Variants in GPR158 observed in about 807,000 individuals in gnomAD.
GPR158 encodes G protein-coupled receptor 158.
Under a neutral mutation model 78.2 loss-of-function variants are expected in GPR158, and 30 were observed. That is an observed-to-expected ratio of 0.38 (90% CI 0.29 to 0.52). The LOEUF (loss-of-function observed/expected upper bound fraction) is 0.52, where lower values mean the gene tolerates loss of function less well. GPR158 is among the 20% of genes least tolerant of loss of function. GPR158 has a pLI of 0.83. For missense variants in GPR158, 1,463 were observed against 1,523.5 expected (o/e 0.96, Z 0.66); for synonymous variants, 581 against 591.1 (o/e 0.98, Z 0.25).
intron 2 of GPR158, among the ~76,000 whole-genome samples, chr10:25,253,824 T>A (rs1853850559): frequency 6.6e-6 from 1 of 152,176 alleles, no homozygotes; most frequent in South Asian, 2.1e-4. Flanking sequence ...ATTATAAAAT[T>A]TGCCTTGGGA....
At chr10:25,589,824 A>G (rs375162015) in intron 8 of GPR158, among the ~76,000 whole-genome samples, 51 of 152,348 alleles carry the variant, frequency 3.3e-4, no homozygotes, top group African/African-American at 1.2e-3. Context: ...CTGAAAATGT[A>G]TCCCTGATTC....
chr10:25,295,648 C>T (rs1000118451), intron 2 of GPR158, among the ~76,000 whole-genome samples: 5 of 152,030 alleles, frequency 3.3e-5, no homozygotes, highest in African/African-American at 4.8e-5. Context: ...CTTCTGACCT[C>T]GTGATCCACC....
At chr10:25,302,384 A>G (rs1854612412) in intron 2 of GPR158, among the ~76,000 whole-genome samples, 1 of 151,790 alleles carries the variant, frequency 6.6e-6, no homozygotes, top group Admixed American at 6.6e-5. Context: ...GCGCCCGGCC[A>G]TTTGTTCCTT....
intron 2 of GPR158, among the ~76,000 whole-genome samples, chr10:25,322,389 A>G (rs986407544): frequency 3.9e-5 from 6 of 152,150 alleles, no homozygotes; most frequent in South Asian, 2.1e-4. Flanking sequence ...TCAAAAAAAA[A>G]AAGAAAAAAA....
At chr10:25,415,393 A>G (rs931878881) in intron 4 of GPR158, among the ~76,000 whole-genome samples, 1 of 152,098 alleles carries the variant, frequency 6.6e-6, no homozygotes, top group African/African-American at 2.4e-5. Flanking sequence ...AAATATATAT[A>G]TATAAGCCAA....
At chr10:25,532,899 G>T (rs1035823307) in intron 5 of GPR158, among the ~76,000 whole-genome samples, 2 of 152,118 alleles carry the variant, frequency 1.3e-5, no homozygotes, top group Admixed American at 1.3e-4. Flanking sequence ...AGAAGCATAT[G>T]CTATTACTGT....
chr10:25,237,680 C>T (rs957863139), intron 2 of GPR158, among the ~76,000 whole-genome samples: 1 of 152,124 alleles, frequency 6.6e-6, no homozygotes, highest in African/African-American at 2.4e-5. Context: ...AATGAACAGG[C>T]ACATGATACC....
In GPR158 at chr10:25,484,229, C is replaced by G. The variant is rs375008155; in HGVS notation, c.1404+17510C>G. Among the ~76,000 whole-genome samples, 3 of 152,292 alleles carry G rather than the reference C, an allele frequency of 2.0e-5. No individual in the cohort carries two copies. In the East Asian group the frequency reaches 5.8e-4, roughly 29 times the overall value. ...ACACACCCTGCAGCCTTGGCATTGT[C>G]TGCTTCCTCTTCCTAGAGCACTCTT... On this transcript the variant is annotated intron_variant, in intron 5 of 10. Coordinates refer to ENST00000376351, the MANE Select transcript of GPR158 (RefSeq NM_020752.3).
chr10:25,584,711 C>G (rs1415323911), intron 7 of GPR158, among the ~76,000 whole-genome samples: 2 of 152,206 alleles, frequency 1.3e-5, no homozygotes, highest in Non-Finnish European at 2.9e-5. Context: ...CACAGTACCA[C>G]AAACTCAGTA....
At chr10:25,512,247 A>G (rs763700231) in intron 5 of GPR158, among the ~76,000 whole-genome samples, 11 of 151,794 alleles carry the variant, frequency 7.2e-5, no homozygotes, top group Non-Finnish European at 1.2e-4. Context: ...GAGGTCTTTT[A>G]CCTTCTTGGT....
chr10:25,346,039 T>C (rs1171596265), intron 2 of GPR158, among the ~76,000 whole-genome samples: 1 of 151,922 alleles, frequency 6.6e-6, no homozygotes, highest in African/African-American at 2.4e-5. Flanking sequence ...TATAATATCA[T>C]ATCTAGACCT....
intron 2 of GPR158, among the ~76,000 whole-genome samples, chr10:25,351,713 T>TC (rs1245061422): frequency 3.8e-5 from 5 of 130,700 alleles, no homozygotes; most frequent in African/African-American, 1.9e-4. Context: ...TTTCTTTCTT[T>TC]TTTTTTTTTT....
chr10:25,487,451 C>A (rs1221764628), intron 5 of GPR158, among the ~76,000 whole-genome samples: 1 of 152,176 alleles, frequency 6.6e-6, no homozygotes, highest in Non-Finnish European at 1.5e-5. Context: ...TCCCACGATG[C>A]CAGCCATCTG....
chr10:25,446,932 C>T (rs931314953), intron 4 of GPR158, among the ~76,000 whole-genome samples: 2 of 152,160 alleles, frequency 1.3e-5, no homozygotes, highest in Admixed American at 6.5e-5. Flanking sequence ...AGTTTTAATA[C>T]AGCAAATGGA....
In GPR158 at chr10:25,175,760, G is replaced by C; in HGVS notation, c.340G>C (p.Ala114Pro). The change falls in exon 1 of 11, where the codon GCC becomes CCC. Residue 114 changes from alanine to proline, a missense_variant. Coordinates refer to ENST00000376351, the MANE Select transcript of GPR158 (RefSeq NM_020752.3). This position sits in a 1 kb window ranked among gnomAD's most constrained non-coding sequence, Gnocchi z 6.4. The stretch of plus-strand genomic sequence containing the variant: ...GGCGGGCCTGCCGGGGAAGTGGCCA[G>C]CCCTGGCCAGCGCGCACCCCTCCTT... The part of the protein sequence containing the change: ...ELAGLPGKWP[A>P]LASAHPSLHR... 1.2e-6 allele frequency: 2 copies of C among 1,611,218 alleles called. No homozygotes were observed. Among genetic ancestry groups the C allele is most frequent in the Non-Finnish European group, 1.7e-6 (2 of 1,179,924 alleles).
In GPR158 at chr10:25,175,672, T is replaced by C; in HGVS notation, c.252T>C (p.Ser84=). ...LAEEVPMDVA[S]YLYTGDSHQL... Reference sequence around the variant, plus strand: ...AGGAGGTGCCCATGGACGTGGCCTCTTACCTCTACACCGGGGACTCCCACC... The same window carrying C: ...AGGAGGTGCCCATGGACGTGGCCTCCTACCTCTACACCGGGGACTCCCACC... Residue 84 remains serine (S), a synonymous_variant, in exon 1 of 11, where the codon TCT becomes TCC. Coordinates refer to ENST00000376351, the MANE Select transcript of GPR158 (RefSeq NM_020752.3). This position sits in a 1 kb window ranked among gnomAD's most constrained non-coding sequence, Gnocchi z 6.4. 1 of 1,611,578 alleles carries C rather than the reference T, an allele frequency of 6.2e-7. No individual in the cohort carries two copies. Among genetic ancestry groups the C allele is most frequent in the Non-Finnish European group, 8.5e-7 (1 of 1,179,920 alleles).
intron 2 of GPR158, among the ~76,000 whole-genome samples, chr10:25,261,544 C>G (rs911609265): frequency 6.6e-6 from 1 of 151,928 alleles, no homozygotes; most frequent in African/African-American, 2.4e-5. Flanking sequence ...TCTTAATTTG[C>G]TAATTAATTC....
intron 8 of GPR158, among the ~76,000 whole-genome samples, chr10:25,593,023 C>T (rs888318206): frequency 6.6e-6 from 1 of 151,324 alleles, no homozygotes; most frequent in African/African-American, 2.4e-5. Context: ...GTGTTTTTCT[C>T]ACAAAGAAGT....
At chr10:25,485,545 G>T (rs1401666578) in intron 5 of GPR158, among the ~76,000 whole-genome samples, 4 of 152,000 alleles carry the variant, frequency 2.6e-5, no homozygotes, top group Non-Finnish European at 5.9e-5. Context: ...TCAGAAAAGT[G>T]TCTCAATTTA....
Sources: allele counts gnomAD v4.1 joint callset (sites outside exome capture counted in the v4.1 genomes callset), GRCh38; gene constraint gnomAD v4.1.1; non-coding constraint Gnocchi (gnomAD v3.1); transcripts MANE v1.5; gene names NCBI Gene and HGNC (gene_info 2026-07-23, HGNC 2026-07-21).